The following ADAMTSL1 variants were observed in gnomAD, a reference collection of about 807,000 sequenced individuals.
ADAMTSL1 encodes the protein ADAMTS like 1.
ADAMTSL1 carries 126 observed loss-of-function variants against 201.8 expected under a neutral mutation model. The ratio of observed to expected loss-of-function variants is 0.62; its 90% CI spans 0.54 to 0.72. The LOEUF is 0.72. ADAMTSL1 is among the 30% of genes least tolerant of loss of function. The pLI is 0.00. For missense variants in ADAMTSL1, 2,679 were observed against 2,277.8 expected, an observed-to-expected ratio of 1.18 and a Z score of -3.59; for synonymous variants, 1,121 against 903.4, an observed-to-expected ratio of 1.24 and a Z score of -4.32.
At chr9:18,820,625 ACC>A (rs1462720642) in intron 21 of ADAMTSL1, among the ~76,000 whole-genome samples, 2 of 152,190 alleles carry the variant, frequency 1.3e-5, no homozygotes, top group African/African-American at 2.4e-5. Context: ...ATTTACCTAG[ACC>A]AACTCACATG....
At chr9:18,124,281 C>T (rs989588154) in intron 1 of ADAMTSL1, among the ~76,000 whole-genome samples, 1 of 151,744 alleles carries the variant, frequency 6.6e-6, no homozygotes, top group African/African-American at 2.4e-5. Flanking sequence ...CGGGGTTTCA[C>T]CATGTTGGCC....
At chr9:18,786,948 G>A (rs962494581) in intron 19 of ADAMTSL1, among the ~76,000 whole-genome samples, 1 of 152,150 alleles carries the variant, frequency 6.6e-6, no homozygotes, top group Non-Finnish European at 1.5e-5. Flanking sequence ...TCTTTAACTT[G>A]GGCAACTCAG....
At chr9:18,291,427 T>C (rs942153361) in intron 2 of ADAMTSL1, among the ~76,000 whole-genome samples, 7 of 152,286 alleles carry the variant, frequency 4.6e-5, no homozygotes, top group African/African-American at 1.7e-4. Context: ...ACCTCTGGTA[T>C]GCTAGGCACT....
At chr9:18,338,396 T>G (rs1835336574) in intron 2 of ADAMTSL1, among the ~76,000 whole-genome samples, 1 of 152,110 alleles carries the variant, frequency 6.6e-6, no homozygotes, top group Non-Finnish European at 1.5e-5. Context: ...CTACCCTTCC[T>G]GCCTGCTCAG....
intron 1 of ADAMTSL1, among the ~76,000 whole-genome samples, chr9:18,006,253 T>G (rs1819821050): frequency 6.6e-6 from 1 of 152,034 alleles, no homozygotes; most frequent in Non-Finnish European, 1.5e-5. Context: ...TTCAACAGCA[T>G]AGAAACATAG....
intron 2 of ADAMTSL1, among the ~76,000 whole-genome samples, chr9:18,445,871 C>G (rs1820172631): frequency 6.6e-6 from 1 of 152,010 alleles, no homozygotes; most frequent in Non-Finnish European, 1.5e-5. Context: ...TTATAAGGAG[C>G]TAGTAGTGAC....
intron 1 of ADAMTSL1, among the ~76,000 whole-genome samples, chr9:17,975,697 C>A (rs1213806706): frequency 6.6e-6 from 1 of 152,028 alleles, no homozygotes; most frequent in Non-Finnish European, 1.5e-5. Context: ...TTGATTGATT[C>A]CTATGCTGCA....
chr9:18,396,246 C>G (rs1050099513), intron 2 of ADAMTSL1, among the ~76,000 whole-genome samples: 1 of 152,052 alleles, frequency 6.6e-6, no homozygotes, highest in Non-Finnish European at 1.5e-5. Flanking sequence ...GGAGATTTAG[C>G]TCAATATGGA....
At chr9:18,119,278 C>T (rs1384041251) in intron 1 of ADAMTSL1, among the ~76,000 whole-genome samples, 2 of 151,602 alleles carry the variant, frequency 1.3e-5, no homozygotes, top group Non-Finnish European at 2.9e-5. Context: ...TCTTCCCTTC[C>T]TGAATATTTT....
At chr9:18,020,535 T>A (rs934577504) in intron 1 of ADAMTSL1, among the ~76,000 whole-genome samples, 1 of 152,018 alleles carries the variant, frequency 6.6e-6, no homozygotes, top group Non-Finnish European at 1.5e-5. Flanking sequence ...TCACAGTGTG[T>A]GCAAAAATGA....
At chr9:17,985,311 T>C (rs2131479094) in intron 1 of ADAMTSL1, among the ~76,000 whole-genome samples, 1 of 152,278 alleles carries the variant, frequency 6.6e-6, no homozygotes, top group South Asian at 2.1e-4. Flanking sequence ...ATTAAACCTT[T>C]TGTATATTTT....
At chr9:18,212,297 T>A (rs1305792128) in intron 2 of ADAMTSL1, among the ~76,000 whole-genome samples, 5 of 152,144 alleles carry the variant, frequency 3.3e-5, no homozygotes, top group East Asian at 1.9e-4. Context: ...TTTATGAACT[T>A]TATGACCATG....
At chr9:18,647,043 A>G (rs1827860040) in intron 7 of ADAMTSL1, among the ~76,000 whole-genome samples, 1 of 152,104 alleles carries the variant, frequency 6.6e-6, no homozygotes, top group African/African-American at 2.4e-5. Context: ...TTGGTAAGCT[A>G]TTGATTATTG....
chr9:18,674,198 G>GCGCA (rs1554726916), intron 9 of ADAMTSL1, among the ~76,000 whole-genome samples: 2 of 58,208 alleles, frequency 3.4e-5, no homozygotes, highest in East Asian at 4.7e-4. Flanking sequence ...ACACACACAG[G>GCGCA]CACACACACA....
intron 1 of ADAMTSL1, among the ~76,000 whole-genome samples, chr9:18,149,026 T>C (rs1164385736): frequency 1.3e-5 from 2 of 152,058 alleles, no homozygotes. Flanking sequence ...GGTTCTCCAA[T>C]AGAAAGTGTT....
At chr9:18,022,879 C>G (rs1223411509) in intron 1 of ADAMTSL1, among the ~76,000 whole-genome samples, 1 of 151,938 alleles carries the variant, frequency 6.6e-6, no homozygotes, top group Non-Finnish European at 1.5e-5. Flanking sequence ...TGATTTGGTC[C>G]CTATCATGTT....
At chr9:18,515,450 T>G (rs1047522946) in intron 2 of ADAMTSL1, among the ~76,000 whole-genome samples, 1 of 152,150 alleles carries the variant, frequency 6.6e-6, no homozygotes, top group African/African-American at 2.4e-5. Context: ...TCCTCCTATC[T>G]CAGCCTCCCG....
rs185006720 is a variant in ADAMTSL1, at chr9:18,411,502, T to C, written c.208-93327T>C. ...GCGTGAGCCGCCATACCTGGCCTGA[T>C]GGGTAGATTTTCTATGTGAAACAGA... On this transcript the variant is annotated intron_variant, in intron 2 of 29. Transcript: ENST00000680146. 6.6e-5 allele frequency among the ~76,000 whole-genome samples: 10 copies of C among 152,292 alleles called. No individual in the cohort carries two copies. In the East Asian group the frequency reaches 1.9e-3, roughly 29 times the overall value.
intron 2 of ADAMTSL1, among the ~76,000 whole-genome samples, chr9:18,306,246 C>A (rs1833904265): frequency 6.6e-6 from 1 of 152,142 alleles, no homozygotes; most frequent in South Asian, 2.1e-4. Context: ...AAACCCAGCA[C>A]AAAAAGGCTG....
Sources: gnomAD v4.1 joint callset for allele counts (sites outside exome capture counted in the v4.1 genomes callset) on GRCh38, gnomAD v4.1.1 for gene constraint, MANE v1.5 for transcripts, NCBI Gene and HGNC (gene_info 2026-07-23, HGNC 2026-07-21) for gene names.